PID1: variants seen among roughly 807,000 people sequenced by gnomAD.
PID1 encodes phosphotyrosine interaction domain containing 1, also known as PTB-containing, cubilin and LRP1-interacting protein.
PID1 carries 10 observed loss-of-function variants against 19.1 expected under a neutral mutation model. That is an observed-to-expected ratio of 0.52 (90% CI 0.32 to 0.89). The LOEUF (loss-of-function observed/expected upper bound fraction) is 0.89, where lower values mean the gene tolerates loss of function less well. Ranked by LOEUF, PID1 falls within the 40% of genes least tolerant of loss-of-function variation. The pLI, the probability that PID1 is intolerant of heterozygous loss-of-function variation, is 0.03. For missense variants in PID1, 248 were observed against 285.3 expected (o/e 0.87, Z 0.94); for synonymous variants, 130 against 116.0 (o/e 1.12, Z -0.78).
intron 2 of PID1, among the ~76,000 whole-genome samples, chr2:229,139,146 A>AAAGAAAGAAAGCAAGCAAGCAAGC (rs1293626727): frequency 9.2e-6 from 1 of 108,974 alleles, no homozygotes; most frequent in Non-Finnish European, 1.9e-5. Flanking sequence ...AGAAAGAAAG[A>AAAGAAAGAAAGCAAGCAAGCAAGC]AAGCAAGCGA....
At chr2:229,188,816 T>C (rs1282180729) in intron 1 of PID1, among the ~76,000 whole-genome samples, 3 of 152,144 alleles carry the variant, frequency 2.0e-5, no homozygotes, top group African/African-American at 7.2e-5. Context: ...AAATATTGAT[T>C]TTTAGATCCT....
At chr2:229,076,418 A>C (rs1379419017) in intron 2 of PID1, among the ~76,000 whole-genome samples, 1 of 151,986 alleles carries the variant, frequency 6.6e-6, no homozygotes, top group Non-Finnish European at 1.5e-5. Context: ...TTATACTTTA[A>C]GTTCTGGGAT....
intron 1 of PID1, among the ~76,000 whole-genome samples, chr2:229,238,437 AAG>A (rs1286760950): frequency 5.9e-5 from 9 of 152,198 alleles, no homozygotes; most frequent in Non-Finnish European, 4.4e-5. Context: ...TACTTCCAGA[AAG>A]AGAGAAACTT....
chr2:229,233,086 G>A (rs971386842), intron 1 of PID1, among the ~76,000 whole-genome samples: 29 of 152,166 alleles, frequency 1.9e-4, no homozygotes, highest in African/African-American at 3.1e-4. Flanking sequence ...AGCAGAAAGC[G>A]CAAGAGGAGA....
intron 2 of PID1, among the ~76,000 whole-genome samples, chr2:229,105,408 C>A (rs1048350189): frequency 2.0e-5 from 3 of 152,242 alleles, no homozygotes; most frequent in Non-Finnish European, 4.4e-5. Flanking sequence ...AATCTCTCCC[C>A]TCAAGAGAGA....
chr2:229,160,838 G>C (rs1043086607), intron 1 of PID1, among the ~76,000 whole-genome samples: 5 of 152,218 alleles, frequency 3.3e-5, no homozygotes, highest in Admixed American at 1.3e-4. Flanking sequence ...TAATCTATAA[G>C]AATACATCTT....
chr2:229,182,517 T>C (rs1690967124), intron 1 of PID1, among the ~76,000 whole-genome samples: 1 of 152,200 alleles, frequency 6.6e-6, no homozygotes, highest in African/African-American at 2.4e-5. Flanking sequence ...TTTAAGCATC[T>C]AACTCCCTGA....
At chr2:229,202,296 T>G (rs750372905) in intron 1 of PID1, among the ~76,000 whole-genome samples, 1 of 152,108 alleles carries the variant, frequency 6.6e-6, no homozygotes, top group African/African-American at 2.4e-5. Context: ...GAAGAAGCTA[T>G]GAATCCAGGG....
chr2:229,138,153 T>G (rs1479437765), intron 2 of PID1, among the ~76,000 whole-genome samples: 1 of 152,160 alleles, frequency 6.6e-6, no homozygotes, highest in East Asian at 1.9e-4. Context: ...CTGTCTGATA[T>G]GCAGCCTTCA....
chr2:229,233,694 G>A (rs1692264780), intron 1 of PID1, among the ~76,000 whole-genome samples: 1 of 152,086 alleles, frequency 6.6e-6, no homozygotes, highest in Admixed American at 6.5e-5. Flanking sequence ...GCTTCACCAT[G>A]TTGGCCAGGT....
At chr2:229,137,220 C>T (rs1422618848) in intron 2 of PID1, among the ~76,000 whole-genome samples, 1 of 152,130 alleles carries the variant, frequency 6.6e-6, no homozygotes, top group Non-Finnish European at 1.5e-5. Flanking sequence ...CTGCTTAATA[C>T]ATTTGAGAGG....
intron 1 of PID1, among the ~76,000 whole-genome samples, chr2:229,222,805 T>C (rs1314702453): frequency 1.3e-5 from 2 of 151,928 alleles, no homozygotes; most frequent in African/African-American, 2.4e-5. Context: ...GGTCCGGATT[T>C]CTCAGCCTCC....
chr2:229,072,956 T>C (rs1030561981), intron 2 of PID1, among the ~76,000 whole-genome samples: 1 of 152,220 alleles, frequency 6.6e-6, no homozygotes, highest in African/African-American at 2.4e-5. Context: ...ACAAACCTAC[T>C]CAGCAAGGTG....
intron 2 of PID1, among the ~76,000 whole-genome samples, chr2:229,113,476 GTATA>G (rs1228578236): frequency 7.5e-6 from 1 of 133,392 alleles, no homozygotes; most frequent in Non-Finnish European, 1.6e-5. Flanking sequence ...AGATATGTGT[GTATA>G]TATATATACA....
At chr2:229,176,802 G>A (rs573632663) in intron 1 of PID1, among the ~76,000 whole-genome samples, 11 of 152,174 alleles carry the variant, frequency 7.2e-5, no homozygotes, top group South Asian at 2.1e-4. Context: ...GGTGAAGAAA[G>A]AATTTAAGAA....
At chr2:229,099,414 C>T (rs930980543) in intron 2 of PID1, among the ~76,000 whole-genome samples, 6 of 152,142 alleles carry the variant, frequency 3.9e-5, no homozygotes, top group African/African-American at 1.4e-4. Flanking sequence ...AGGCAGGAAA[C>T]TCAGTACCAG....
chr2:229,223,052 G>A (rs542829187), intron 1 of PID1, among the ~76,000 whole-genome samples: 20 of 151,910 alleles, frequency 1.3e-4, no homozygotes, highest in African/African-American at 1.9e-4. Context: ...CATGGCTTTC[G>A]TTGTCTTTTT....
intron 2 of PID1, among the ~76,000 whole-genome samples, chr2:229,151,363 G>A (rs1690247974): frequency 6.6e-6 from 1 of 152,128 alleles, no homozygotes; most frequent in Non-Finnish European, 1.5e-5. Context: ...GGGACCCTGG[G>A]ACAGTCAGAT....
intron 1 of PID1, among the ~76,000 whole-genome samples, chr2:229,176,334 G>C (rs1051498240): frequency 2.0e-5 from 3 of 152,146 alleles, no homozygotes; most frequent in African/African-American, 7.2e-5. Context: ...GCTTGCCTCA[G>C]CTCATAGTCA....
Sources: allele counts gnomAD v4.1 joint callset (sites outside exome capture counted in the v4.1 genomes callset), GRCh38; gene constraint gnomAD v4.1.1; transcripts MANE v1.5; gene names NCBI Gene and HGNC (gene_info 2026-07-23, HGNC 2026-07-21).